PHEX: variants seen among roughly 807,000 people sequenced by gnomAD.
PHEX encodes phosphate-regulating neutral endopeptidase PHEX.
In PHEX, 16 loss-of-function variants were observed where a neutral mutation model predicts 68.0. The ratio of observed to expected loss-of-function variants is 0.24; its 90% CI spans 0.16 to 0.36. The LOEUF (loss-of-function observed/expected upper bound fraction) is 0.36. PHEX is among the 10% of genes least tolerant of loss of function. The pLI is 1.00. For synonymous variants in PHEX, 208 were observed against 205.1 expected (o/e 1.01, Z -0.12); for missense variants, 480 against 575.5 (o/e 0.83, Z 1.70).
At chrX:22,183,383 C>T (rs911137300) in intron 14 of PHEX, among the ~76,000 whole-genome samples, 4 of 111,559 alleles carry the variant, frequency 3.6e-5, no homozygotes, top group African/African-American at 1.3e-4. Flanking sequence ...CTGAATCTCT[C>T]CCCTACCTAA....
chrX:22,161,971 G>A (rs968297131), intron 12 of PHEX, among the ~76,000 whole-genome samples: 2 of 111,576 alleles, frequency 1.8e-5, no homozygotes, highest in African/African-American at 6.5e-5. Context: ...GGGTACGATG[G>A]TATTGCAAGT....
intron 13 of PHEX, among the ~76,000 whole-genome samples, chrX:22,173,879 G>C (rs758618345): frequency 8.9e-6 from 1 of 111,920 alleles, no homozygotes; most frequent in African/African-American, 3.2e-5. Flanking sequence ...TTTTTCATCT[G>C]CCTATTCCTA....
At chrX:22,119,853 T>C (rs1428895617) in intron 11 of PHEX, among the ~76,000 whole-genome samples, 2 of 110,993 alleles carry the variant, frequency 1.8e-5, no homozygotes, top group Non-Finnish European at 3.8e-5. Context: ...TGCCTCAGCC[T>C]CCCAAGGTGC....
At chrX:22,234,156 T>C (rs1490260769) in intron 20 of PHEX, among the ~76,000 whole-genome samples, 1 of 112,846 alleles carries the variant, frequency 8.9e-6, no homozygotes, top group Non-Finnish European at 1.9e-5. Flanking sequence ...TGTTCTTCCC[T>C]CCGGAAGCTT....
rs144796629 is a variant in PHEX, at chrX:22,079,364, C to T, written c.663+1662C>T. ...TCAACCCAGCTTCAACAACTCTCAA[C>T]CTTCTGATGTTATGTTTCTTTCTGC... is the stretch of plus-strand genomic sequence containing the variant. On this transcript the variant is annotated intron_variant, in intron 5 of 21. Transcript: ENST00000379374. Among the ~76,000 whole-genome samples the T allele has an allele frequency of 4.2e-3, 474 of 112,043 alleles. 1 individual carries two copies. The highest frequency in any genetic ancestry group is 0.014 in the African/African-American group (442 of 30,938).
chrX:22,170,988 C>T (rs1569417889), intron 13 of PHEX, among the ~76,000 whole-genome samples: 1 of 112,138 alleles, frequency 8.9e-6, no homozygotes, highest in Non-Finnish European at 1.9e-5. Context: ...GACACAATTA[C>T]GCCCAAGAGT....
chrX:22,131,042 AT>A (rs918423685), intron 11 of PHEX, among the ~76,000 whole-genome samples: 22 of 107,005 alleles, frequency 2.1e-4, no homozygotes, highest in African/African-American at 5.1e-4. Context: ...TGTCAGTATT[AT>A]TTTTTTTTTC....
At chrX:22,152,662 A>G (rs1932873729) in intron 12 of PHEX, among the ~76,000 whole-genome samples, 2 of 112,113 alleles carry the variant, frequency 1.8e-5, no homozygotes, top group African/African-American at 6.5e-5. Flanking sequence ...CTTTTTTTGA[A>G]GTTCAAGAAC....
chrX:22,138,530 A>G (rs1366873942), intron 12 of PHEX, among the ~76,000 whole-genome samples: 2 of 110,810 alleles, frequency 1.8e-5, no homozygotes, highest in African/African-American at 6.6e-5. Context: ...GGAAGTGCCT[A>G]CTCTGCCCCT....
rs750103659 is a variant in PHEX, at chrX:22,047,164, A to G, written c.302A>G (p.Tyr101Cys). ...CCAATTCCCGAAGATATGCCAAGCT[A>G]TGGGGTTTATCCTTGGCTGAGACAT... ...NNPIPEDMPSYGVYPWLRHNV... is the reference protein window; with the variant it reads ...NNPIPEDMPSCGVYPWLRHNV... The change falls in exon 3 of 22, where the codon TAT becomes TGT. Residue 101 changes from tyrosine (Y) to cysteine (C), a missense_variant. Coordinates refer to ENST00000379374, the MANE Select transcript of PHEX (RefSeq NM_000444.6). 2 of 1,209,452 alleles carry G rather than the reference A, an allele frequency of 1.7e-6. No homozygotes were observed. The highest frequency in any genetic ancestry group is 2.2e-6 in the Non-Finnish European group (2 of 893,495).
intron 12 of PHEX, among the ~76,000 whole-genome samples, chrX:22,141,407 A>G (rs1235884640): frequency 8.9e-6 from 1 of 111,909 alleles, no homozygotes; most frequent in Non-Finnish European, 1.9e-5. Context: ...TCTTGCATAC[A>G]AATTATATTA....
intron 13 of PHEX, among the ~76,000 whole-genome samples, chrX:22,176,384 CAAAAAAA>C (rs61277745): frequency 0.13 from 9,937 of 73,637 alleles, 569 homozygotes; most frequent in Non-Finnish European, 0.19. Flanking sequence ...GAGACTGTCT[CAAAAAAA>C]AAAAAAAAAA....
intron 12 of PHEX, among the ~76,000 whole-genome samples, chrX:22,154,744 T>C (rs1029821206): frequency 9.0e-6 from 1 of 111,652 alleles, no homozygotes; most frequent in African/African-American, 3.3e-5. Flanking sequence ...TCCCACAAAT[T>C]TGTGTTTTCA....
intron 3 of PHEX, among the ~76,000 whole-genome samples, chrX:22,062,596 C>G (rs925145197): frequency 1.8e-5 from 2 of 111,351 alleles, no homozygotes; most frequent in Admixed American, 1.9e-4. Context: ...ACCCAGTAGC[C>G]TCGTGGGACT....
chrX:22,171,726 A>G (rs766969515), intron 13 of PHEX: 2 of 112,097 alleles, frequency 1.8e-5, no homozygotes, highest in African/African-American at 6.5e-5. Context: ...ACTGAGGGCA[A>G]TAGCAAAAAG....
intron 3 of PHEX, among the ~76,000 whole-genome samples, chrX:22,055,047 C>T (rs1389310843): frequency 9.4e-6 from 1 of 106,863 alleles, no homozygotes; most frequent in East Asian, 2.9e-4. Flanking sequence ...TGGTGGCGGG[C>T]GCCTGTAATC....
chrX:22,095,940 A>G (rs771997422), intron 7 of PHEX, among the ~76,000 whole-genome samples: 1 of 111,878 alleles, frequency 8.9e-6, no homozygotes, highest in East Asian at 2.8e-4. Context: ...AGCTAGAGAG[A>G]TGTGTGCACA....
At position 22,169,522 on chromosome X, in the gene PHEX, T is replaced by G. The variant is rs1252804505; in HGVS notation, c.1482+1133T>G. Among the ~76,000 whole-genome samples, 2 of 112,347 alleles carry G rather than the reference T, an allele frequency of 1.8e-5. 1 individual carries two copies. The highest frequency in any genetic ancestry group is 1.9e-4 in the Admixed American group (2 of 10,537). On this transcript the variant is annotated intron_variant, in intron 13 of 21. Transcript: ENST00000379374. The stretch of plus-strand genomic sequence containing the variant: ...GAAAAGGACATAGAGACTCAATAAT[T>G]TAAGTGAGCTCCTCAGTTCCACACA...
At chrX:22,048,229 T>C (rs1927635751) in intron 3 of PHEX, among the ~76,000 whole-genome samples, 1 of 111,894 alleles carries the variant, frequency 8.9e-6, no homozygotes. Flanking sequence ...TTATATTTTC[T>C]ATTAGGAGAC....
Sources: gnomAD v4.1 joint callset for allele counts (sites outside exome capture counted in the v4.1 genomes callset) on GRCh38, gnomAD v4.1.1 for gene constraint, MANE v1.5 for transcripts, NCBI Gene and HGNC (gene_info 2026-07-23, HGNC 2026-07-21) for gene names.